HOOK2: variants seen among roughly 807,000 people sequenced by gnomAD.
HOOK2 encodes hook microtubule tethering protein 2, also known as protein Hook homolog 2.
Under a neutral mutation model 111.9 loss-of-function variants are expected in HOOK2, and 108 were observed. The ratio of observed to expected loss-of-function variants is 0.96; its 90% CI spans 0.83 to 1.13. The LOEUF (loss-of-function observed/expected upper bound fraction) is 1.13. HOOK2 is among the 50% of genes most tolerant of loss of function. The pLI is 0.00. For missense variants in HOOK2, 978 were observed against 951.3 expected (o/e 1.03, Z -0.37); for synonymous variants, 405 against 394.3 (o/e 1.03, Z -0.32).
At chr19:12,785,747 C>T (rs776594331) in intron 3 of HOOK2, among the ~76,000 whole-genome samples, 1 of 152,232 alleles carries the variant, frequency 6.6e-6, no homozygotes, top group Non-Finnish European at 1.5e-5. Context: ...CAGTCACACG[C>T]TTGCCCCCTG....
chr19:12,769,364 T>C (rs866515777), intron 11 of HOOK2, among the ~76,000 whole-genome samples: 5 of 151,406 alleles, frequency 3.3e-5, no homozygotes, highest in African/African-American at 1.2e-4. Flanking sequence ...GAAGGAGTTA[T>C]GGGGTGCCCG....
chr19:12,776,983 C>T (rs1968533933), upstream of HOOK2, among the ~76,000 whole-genome samples: 1 of 151,636 alleles, frequency 6.6e-6, no homozygotes, highest in Non-Finnish European at 1.5e-5. Flanking sequence ...CGGTGAAACC[C>T]CTTCTCTACT....
In HOOK2 at chr19:12,770,999, G is replaced by C. The variant is rs763027128; in HGVS notation, c.835C>G (p.Arg279Gly). 8 of 1,612,288 alleles carry C rather than the reference G, an allele frequency of 5.0e-6. No individual in the cohort carries two copies. The South Asian group carries it at 8.8e-5, about 18-fold the overall frequency. The change falls in exon 10 of 23, where the codon CGG becomes GGG. Residue 279 changes from arginine (R) to glycine (G), a missense_variant. Coordinates refer to ENST00000397668, the MANE Select transcript of HOOK2 (RefSeq NM_013312.3). ...LEREVAELQH[R>G]NQALTSLAQE... is the part of the protein sequence containing the mutation. The stretch of plus-strand genomic sequence containing the variant: ...GCCAGGCTAGTCAGCGCCTGGTTCC[G>C]GTGCTGCAGCTCCGCAACCTCCCTC...
upstream of HOOK2, among the ~76,000 whole-genome samples, chr19:12,781,826 TC>T (rs897865701): frequency 6.6e-6 from 1 of 150,844 alleles, no homozygotes; most frequent in Non-Finnish European, 1.5e-5. Flanking sequence ...CAAAACTGTG[TC>T]CCTCCCTGTT....
rs892182477 is a variant in HOOK2, at chr19:12,790,762, C to T, written n.42-16537G>A. The stretch of plus-strand genomic sequence containing the variant: ...TTACCTGCCTCAGTGTACCCCAGGC[C>T]GCTTACTAGCTTTCTGCATATCTAG... On this transcript the variant is annotated intron_variant and non_coding_transcript_variant, in intron 3 of 3. Transcript: ENST00000589765. This position sits in a 1 kb window ranked among gnomAD's most constrained non-coding sequence, Gnocchi z 7.2. 2.1e-4 allele frequency among the ~76,000 whole-genome samples: 32 copies of T among 152,166 alleles called. 1 individual carries two copies. Among genetic ancestry groups the T allele is most frequent in the Admixed American group, 5.9e-4 (9 of 15,270 alleles).
chr19:12,768,094 C>T lies in HOOK2; in HGVS notation c.1134G>A (p.Glu378=). ...QVQELQGQRQ[E]EAMKAEKWLF... ...GCCATTTCTCGGCCTTCATGGCCTC[C>T]TCCTGCCGCTGGCCCTGCAGTTCCT... The change falls in exon 12 of 23, where the codon GAG becomes GAA. Residue 378 remains glutamate (E), a synonymous_variant. Coordinates refer to ENST00000397668, the MANE Select transcript of HOOK2 (RefSeq NM_013312.3). The T allele has an allele frequency of 1.2e-6, 2 of 1,614,214 alleles. No homozygotes were observed. Among genetic ancestry groups the T allele is most frequent in the Non-Finnish European group, 1.7e-6 (2 of 1,180,032 alleles).
chr19:12,784,052 G>A (rs1236009870), intron 3 of HOOK2, among the ~76,000 whole-genome samples: 2 of 152,030 alleles, frequency 1.3e-5, no homozygotes, highest in Non-Finnish European at 2.9e-5. Context: ...GGACGCCTGG[G>A]TCCTGACCCG....
At chr19:12,772,367 A>C (rs1239239492) in intron 6 of HOOK2, 115 bp from the exon 7 acceptor site, 27 of 1,233,370 alleles carry the variant, frequency 2.2e-5, no homozygotes, top group Non-Finnish European at 2.9e-5. Flanking sequence ...GTTCTGCCCA[A>C]TAACCCCAGC....
rs746201735 is a variant in HOOK2 at position 12,765,682 on chromosome 19, C to T, written c.1640+8G>A. 2 of 1,614,022 alleles carry T rather than the reference C, an allele frequency of 1.2e-6. No homozygotes were observed. Among genetic ancestry groups the T allele is most frequent in the African/African-American group, 1.3e-5 (1 of 74,924 alleles). On this transcript the variant is annotated splice_region_variant and intron_variant, in intron 18 of 22. Coordinates refer to ENST00000397668, the MANE Select transcript of HOOK2 (RefSeq NM_013312.3). ...CCCCACGAGGAGTTCCCTCTTTCTG[C>T]GACTTACAAATGTTCCTCCAGCTTC...
chr19:12,780,087 T>C (rs912962028), upstream of HOOK2, among the ~76,000 whole-genome samples: 5 of 152,054 alleles, frequency 3.3e-5, no homozygotes, highest in East Asian at 3.9e-4. Flanking sequence ...GAGGCAGAGA[T>C]TGCAGTGAGC....
rs774085996 is a variant in HOOK2, at chr19:12,791,892, G to A, written n.42-17667C>T. On this transcript the variant is annotated intron_variant and non_coding_transcript_variant, in intron 3 of 3. Transcript: ENST00000589765. This position sits in a 1 kb window ranked among gnomAD's most constrained non-coding sequence, Gnocchi z 7.0. The stretch of plus-strand genomic sequence containing the variant: ...CAAACTCCTGAAACCGAGCCTGGCG[G>A]TCAACCTGGCCGACCCCTACCGGAG... 3 of 1,613,352 alleles carry A rather than the reference G, an allele frequency of 1.9e-6. No homozygotes were observed. Among genetic ancestry groups the A allele is most frequent in the South Asian group, 2.2e-5 (2 of 91,078 alleles).
rs1471979427 is a variant in HOOK2, at chr19:12,766,208, T to C, written c.1406A>G (p.Lys469Arg). The C allele has an allele frequency of 6.3e-7, 1 of 1,594,628 alleles. No homozygotes were observed. The highest frequency in any genetic ancestry group is 1.1e-5 in the South Asian group (1 of 90,366). ...ETLLRLQLEN[K>R]RLCRQEAADR... is the part of the protein sequence containing the mutation. Reference sequence around the variant, plus strand: ...GGCCGCCTCCTGCCTGCACAGCCGCTTGTTCTCCAGCTGAAGCCGCAGGAG... The same window carrying C: ...GGCCGCCTCCTGCCTGCACAGCCGCCTGTTCTCCAGCTGAAGCCGCAGGAG... The change falls in exon 15 of 23, where the codon AAG (lysine) becomes AGG (arginine). Residue 469 changes from lysine to arginine, a missense_variant. Transcript: ENST00000397668.
chr19:12,775,566 G>T, upstream of HOOK2: 1 of 819,426 alleles, frequency 1.2e-6, no homozygotes, highest in Non-Finnish European at 1.5e-6. Flanking sequence ...GCGCCGCCCC[G>T]CCCCGCCCCC....
At chr19:12,766,308 A>G in intron 14 of HOOK2, 68 bp from the exon 15 acceptor site, 1 of 1,459,306 alleles carries the variant, frequency 6.9e-7, no homozygotes, top group African/African-American at 1.4e-5. Flanking sequence ...GGGCTCAGGG[A>G]GAGTGGAGCT....
At chr19:12,766,425 G>C in intron 14 of HOOK2, 185 bp from the exon 15 acceptor site, 1 of 683,494 alleles carries the variant, frequency 1.5e-6, no homozygotes, top group Non-Finnish European at 2.3e-6. Context: ...AGTGGACGGA[G>C]CTCTAAGCTG....
rs1467703698 is a variant in HOOK2 at position 12,767,834 on chromosome 19, G to A, written c.1285C>T (p.Arg429Trp). Residue 429 changes from arginine (R) to tryptophan (W), a missense_variant, in exon 13 of 23, where the codon CGG becomes TGG. Physicochemically the swap from Arg to Trp is moderately radical, Grantham distance 101. This residue lies in a region of HOOK2 where 388 missense variants were observed against 358.3 expected (regional missense o/e 1.08). Transcript: ENST00000397668. Reference sequence around the variant, plus strand: ...ATCTCACCGGCCTGGGTCAACCCCCGCGGCTGCAGCTGGGCGCAGCGCAGC... The same window carrying A: ...ATCTCACCGGCCTGGGTCAACCCCCACGGCTGCAGCTGGGCGCAGCGCAGC... ...EELRCAQLQP[R>W]GLTQADPSLD... The A allele has an allele frequency of 8.7e-6, 14 of 1,603,570 alleles. No homozygotes were observed. The highest frequency in any genetic ancestry group is 2.2e-5 in the East Asian group (1 of 44,894).
intron 14 of HOOK2, among the ~76,000 whole-genome samples, chr19:12,767,004 A>T (rs1161009485): frequency 3.9e-5 from 6 of 152,112 alleles, no homozygotes; most frequent in African/African-American, 1.4e-4. Flanking sequence ...GCTGGGACTT[A>T]GAGGCATGAT....
upstream of HOOK2, among the ~76,000 whole-genome samples, chr19:12,781,021 G>A (rs1307379585): frequency 7.2e-6 from 1 of 138,220 alleles, no homozygotes; most frequent in African/African-American, 2.7e-5. Flanking sequence ...AGAAAAAGAA[G>A]GCTGGGCGCG....
chr19:12,782,078 A>G (rs939841691), upstream of HOOK2, among the ~76,000 whole-genome samples: 2 of 152,066 alleles, frequency 1.3e-5, no homozygotes, highest in African/African-American at 4.8e-5. Context: ...CTGGTCTTGA[A>G]CTACTGGCCT....
Sources: gnomAD v4.1 joint callset for allele counts (sites outside exome capture counted in the v4.1 genomes callset) on GRCh38, gnomAD v4.1.1 for gene constraint, gnomAD v4.1.1 regional missense constraint, Gnocchi (gnomAD v3.1) non-coding constraint, MANE v1.5 for transcripts, NCBI Gene and HGNC (gene_info 2026-07-23, HGNC 2026-07-21) for gene names.